The following IFT43 variants were observed in gnomAD, a reference collection of about 807,000 sequenced individuals.
IFT43 encodes the protein intraflagellar transport 43, also known as intraflagellar transport protein 43 homolog.
A neutral mutation model predicts 32.3 loss-of-function variants in IFT43; 33 were observed. The ratio of observed to expected loss-of-function variants is 1.02; its 90% CI spans 0.77 to 1.37. The LOEUF (loss-of-function observed/expected upper bound fraction) is 1.37, where lower values mean the gene tolerates loss of function less well. Ranked by LOEUF, IFT43 falls within the 40% of genes most tolerant of loss-of-function variation. The probability of loss-of-function intolerance (pLI) is 0.00; values close to 1 mark genes in which losing one functional copy is unlikely to be tolerated. For missense variants in IFT43, 274 were observed against 265.9 expected, an observed-to-expected ratio of 1.03 and a Z score of -0.21; for synonymous variants, 93 against 98.2, an observed-to-expected ratio of 0.95 and a Z score of 0.31.
chr14:76,059,127 G>A, intron 4 of IFT43, 200 bp from the exon 5 acceptor site: 1 of 1,488,126 alleles, frequency 6.7e-7, no homozygotes, highest in Non-Finnish European at 8.9e-7. Flanking sequence ...GCTGTCCTCT[G>A]GAATAGTGCA....
intron 5 of IFT43, among the ~76,000 whole-genome samples, chr14:76,070,431 A>G (rs371914132): frequency 2.0e-4 from 30 of 152,336 alleles, no homozygotes; most frequent in African/African-American, 6.5e-4. Flanking sequence ...GGAAACCCTG[A>G]TGGCTCAACT....
intron 2 of IFT43, among the ~76,000 whole-genome samples, chr14:75,992,782 C>A (rs2035668460): frequency 6.6e-6 from 1 of 152,100 alleles, no homozygotes; most frequent in Non-Finnish European, 1.5e-5. Flanking sequence ...CTCAATCGAT[C>A]CTCCTGCCTT....
chr14:76,049,209 C>G (rs1594845306), intron 3 of IFT43, among the ~76,000 whole-genome samples: 1 of 152,356 alleles, frequency 6.6e-6, no homozygotes, highest in South Asian at 2.1e-4. Flanking sequence ...TCGTTTATCT[C>G]CATCTTCCAT....
intron 2 of IFT43, among the ~76,000 whole-genome samples, chr14:76,009,827 C>T (rs1285222281): frequency 6.6e-6 from 1 of 151,768 alleles, no homozygotes; most frequent in Non-Finnish European, 1.5e-5. Context: ...CAGAGTCTTG[C>T]TGTGTCACCC....
chr14:76,049,633 A>G (rs1045357610), intron 3 of IFT43, among the ~76,000 whole-genome samples: 3 of 152,202 alleles, frequency 2.0e-5, no homozygotes, highest in African/African-American at 7.2e-5. Context: ...GCACTTGGAA[A>G]TGGCAGACAT....
rs201416360 is a variant in IFT43 at position 76,082,305 on chromosome 14, C to A, written c.306C>A (p.Ile102=). The A allele has an allele frequency of 6.2e-7, 1 of 1,614,028 alleles. No homozygotes were observed. Among genetic ancestry groups the A allele is most frequent in the East Asian group, 2.2e-5 (1 of 44,890 alleles). ...TGCCTCTCCTTGCAGATATTCCTAT[C>A]ATTCCGGATCTGGAGGAAGTACAGG... is the stretch of plus-strand genomic sequence containing the variant. ...NGSDYGGDIP[I]IPDLEEVQEE... Residue 102 remains isoleucine (I), a synonymous_variant, in exon 6 of 9, where the codon ATC becomes ATA. Coordinates refer to ENST00000314067, the MANE Select transcript of IFT43 (RefSeq NM_001102564.3).
intron 5 of IFT43, chr14:76,076,519 C>T: frequency 1.3e-6 from 2 of 1,591,272 alleles, no homozygotes; most frequent in Non-Finnish European, 1.7e-6. Flanking sequence ...ATTTATACTC[C>T]AGGTGAAGAG....
At chr14:76,036,053 C>T (rs949954886) in intron 3 of IFT43, among the ~76,000 whole-genome samples, 5 of 152,274 alleles carry the variant, frequency 3.3e-5, no homozygotes, top group Admixed American at 1.3e-4. Flanking sequence ...AAAAGCTTGA[C>T]GATATATAAA....
At chr14:76,002,427 T>C (rs917190419) in intron 2 of IFT43, among the ~76,000 whole-genome samples, 1 of 151,946 alleles carries the variant, frequency 6.6e-6, no homozygotes, top group African/African-American at 2.4e-5. Flanking sequence ...GGGAAAGAAG[T>C]GACACCAAGA....
intron 5 of IFT43, among the ~76,000 whole-genome samples, chr14:76,063,412 C>T (rs1382692060): frequency 2.6e-5 from 4 of 152,348 alleles, no homozygotes; most frequent in South Asian, 4.1e-4. Context: ...GTCTTTCAGA[C>T]TTTGCTTCTA....
intron 3 of IFT43, among the ~76,000 whole-genome samples, chr14:76,051,533 A>G (rs888255944): frequency 1.3e-5 from 2 of 152,088 alleles, no homozygotes; most frequent in Admixed American, 6.5e-5. Context: ...TCACACATTT[A>G]TAAAGTAGAG....
intron 3 of IFT43, among the ~76,000 whole-genome samples, chr14:76,036,141 A>G (rs1343057427): frequency 6.6e-6 from 1 of 152,118 alleles, no homozygotes; most frequent in Non-Finnish European, 1.5e-5. Flanking sequence ...ATTGATAAGG[A>G]CTGTTTTTGT....
At chr14:76,045,226 G>C (rs2036784068) in intron 3 of IFT43, among the ~76,000 whole-genome samples, 1 of 152,164 alleles carries the variant, frequency 6.6e-6, no homozygotes, top group South Asian at 2.1e-4. Flanking sequence ...TGTGGAGAGG[G>C]TCTGCTCATC....
rs1256472788 is a variant in IFT43 at position 76,083,693 on chromosome 14, G to A, written c.*116G>A. Reference sequence around the variant, plus strand: ...TTTGTAATAAAAATATTTATATTCAGTCAACCACATTGGATAATTCAATTG... The same window carrying A: ...TTTGTAATAAAAATATTTATATTCAATCAACCACATTGGATAATTCAATTG... On this transcript the variant is annotated 3_prime_UTR_variant, in exon 9 of 9. Coordinates refer to ENST00000314067, the MANE Select transcript of IFT43 (RefSeq NM_001102564.3). 1.0e-6 allele frequency: 1 copy of A among 970,924 alleles called. No homozygotes were observed. Among genetic ancestry groups the A allele is most frequent in the East Asian group, 2.6e-5 (1 of 38,518 alleles). 60.1% of individuals were successfully genotyped at this position (970,924 alleles called of 1,614,324 possible).
intron 2 of IFT43, among the ~76,000 whole-genome samples, chr14:75,989,534 A>T (rs1005057228): frequency 6.6e-6 from 1 of 152,102 alleles, no homozygotes; most frequent in Middle Eastern, 3.4e-3. Flanking sequence ...GCTTACTCAG[A>T]GCCCCTTTTT....
intron 3 of IFT43, among the ~76,000 whole-genome samples, chr14:76,032,761 AC>A (rs1217212217): frequency 6.6e-6 from 1 of 152,186 alleles, no homozygotes; most frequent in African/African-American, 2.4e-5. Context: ...AGGCTGGAAG[AC>A]CTGTTGGGAT....
chr14:75,991,847 G>T (rs1244825843), intron 2 of IFT43, among the ~76,000 whole-genome samples: 1 of 152,128 alleles, frequency 6.6e-6, no homozygotes, highest in African/African-American at 2.4e-5. Context: ...TTCTCCCTGG[G>T]CTAATTGAGG....
At chr14:76,061,644 T>G (rs2037137217) in intron 5 of IFT43, among the ~76,000 whole-genome samples, 2 of 152,236 alleles carry the variant, frequency 1.3e-5, no homozygotes, top group Admixed American at 6.5e-5. Context: ...TTTTCAGTTC[T>G]AGAAGCTCCA....
Position 76,083,741 on chromosome 14 carries a change from C to T in IFT43, c.*164C>T, listed in dbSNP as rs964107490. 5.4e-6 allele frequency: 4 copies of T among 735,012 alleles called. No homozygotes were observed. The highest frequency in any genetic ancestry group is 1.7e-5 in the African/African-American group (1 of 57,722). 45.5% of individuals were successfully genotyped at this position (735,012 alleles called of 1,614,324 possible). A position where few individuals can be genotyped will look rare whatever the true frequency, so the allele number is the denominator to read the frequency against. On this transcript the variant is annotated 3_prime_UTR_variant, in exon 9 of 9. Coordinates refer to ENST00000314067, the MANE Select transcript of IFT43 (RefSeq NM_001102564.3). ...TTGCAATAAATTGCTTATTCTGTGC[C>T]ATCTCCTCCATTTCTTTCCAGTCTC...
Sources: gnomAD v4.1 joint callset for allele counts (sites outside exome capture counted in the v4.1 genomes callset) on GRCh38, gnomAD v4.1.1 for gene constraint, MANE v1.5 for transcripts, NCBI Gene and HGNC (gene_info 2026-07-23, HGNC 2026-07-21) for gene names.